The following AGPS variants were observed in gnomAD, a reference collection of about 807,000 sequenced individuals.
The protein encoded by AGPS is alkylglycerone phosphate synthase.
In AGPS, 26 loss-of-function variants were observed where a neutral mutation model predicts 90.7. That is an observed-to-expected ratio of 0.29 (90% CI 0.21 to 0.40). The LOEUF is 0.40. Ranked by LOEUF, AGPS falls within the 10% of genes least tolerant of loss-of-function variation. The pLI, the probability that AGPS is intolerant of heterozygous loss-of-function variation, is 1.00. For synonymous variants in AGPS, 294 were observed against 285.3 expected (o/e 1.03, Z -0.31); for missense variants, 540 against 816.1 (o/e 0.66, Z 4.12).
intron 17 of AGPS, among the ~76,000 whole-genome samples, chr2:177,518,910 G>A (rs1381568222): frequency 6.6e-6 from 1 of 152,012 alleles, no homozygotes; most frequent in Non-Finnish European, 1.5e-5. Context: ...AGTGATTGAG[G>A]CAAGGTGTGA....
At chr2:177,465,099 G>A (rs1237473768) in intron 9 of AGPS, among the ~76,000 whole-genome samples, 2 of 152,144 alleles carry the variant, frequency 1.3e-5, no homozygotes, top group African/African-American at 2.4e-5. Context: ...TTGGAGACCA[G>A]CCTGGGCAAC....
chr2:177,495,390 T>C (rs1271856813), intron 12 of AGPS, among the ~76,000 whole-genome samples: 11 of 152,188 alleles, frequency 7.2e-5, no homozygotes, highest in Non-Finnish European at 1.6e-4. Flanking sequence ...AAAGACTCAT[T>C]ATTTTGACTA....
intron 8 of AGPS, among the ~76,000 whole-genome samples, chr2:177,455,307 A>G (rs1277629978): frequency 6.6e-6 from 1 of 152,184 alleles, no homozygotes; most frequent in African/African-American, 2.4e-5. Context: ...TCTATGCTCA[A>G]TCTCAACTCA....
intron 3 of AGPS, 126 bp from the exon 4 acceptor site, chr2:177,436,638 T>C: frequency 1.2e-6 from 1 of 866,974 alleles, no homozygotes; most frequent in Non-Finnish European, 1.8e-6. Flanking sequence ...TGTTGTATTT[T>C]CCTATGCTTC....
At chr2:177,473,197 T>C (rs1224333961) in intron 10 of AGPS, among the ~76,000 whole-genome samples, 2 of 152,246 alleles carry the variant, frequency 1.3e-5, no homozygotes, top group Non-Finnish European at 2.9e-5. Flanking sequence ...TTTCCTTGTA[T>C]GCTGAAGATC....
chr2:177,400,371 A>T (rs1685299079), intron 1 of AGPS, among the ~76,000 whole-genome samples: 1 of 152,190 alleles, frequency 6.6e-6, no homozygotes, highest in Non-Finnish European at 1.5e-5. Flanking sequence ...TAAAGACTAG[A>T]TTCTCTTAAG....
chr2:177,481,725 G>T (rs1687950738), intron 10 of AGPS, among the ~76,000 whole-genome samples: 1 of 151,842 alleles, frequency 6.6e-6, no homozygotes. Context: ...TGAGACATAA[G>T]AATCCATTGT....
chr2:177,423,988 G>C (rs1686006165), intron 2 of AGPS, among the ~76,000 whole-genome samples: 1 of 151,974 alleles, frequency 6.6e-6, no homozygotes, highest in African/African-American at 2.4e-5. Flanking sequence ...TGCAGGATGT[G>C]CAGGTTTGTT....
At chr2:177,465,161 G>A (rs546149618) in intron 9 of AGPS, among the ~76,000 whole-genome samples, 57 of 152,186 alleles carry the variant, frequency 3.7e-4, no homozygotes, top group Admixed American at 2.0e-3. Context: ...GAGCATGGTA[G>A]CACATACTTG....
intron 9 of AGPS, among the ~76,000 whole-genome samples, chr2:177,463,827 T>C (rs1026121623): frequency 6.6e-6 from 1 of 152,192 alleles, no homozygotes; most frequent in African/African-American, 2.4e-5. Context: ...TGTGAAATCA[T>C]GTAGTTTATT....
At chr2:177,506,824 A>G (rs1688730269) in intron 15 of AGPS, among the ~76,000 whole-genome samples, 7 of 151,994 alleles carry the variant, frequency 4.6e-5, no homozygotes, top group Admixed American at 4.6e-4. Flanking sequence ...GTTTCTTCCC[A>G]TAGTAAGCAT....
rs1231948296 is a variant in AGPS at position 177,543,349 on chromosome 2, T to C, written c.*5154T>C. 1 of 152,196 alleles carries C rather than the reference T, an allele frequency of 6.6e-6. No individual in the cohort carries two copies. Among genetic ancestry groups the C allele is most frequent in the Non-Finnish European group, 1.5e-5 (1 of 68,030 alleles). The allele number at this position is 152,196 out of a possible 1,614,324, so 9.4% of individuals were successfully genotyped here. A position where few individuals can be genotyped will look rare whatever the true frequency, so the allele number is the denominator to read the frequency against. ...ATTTCTGTTCTGGACAATGATTAAA[T>C]CTTATGAGAAATATATGTAGGTTAT... On this transcript the variant is annotated 3_prime_UTR_variant, in exon 20 of 20. Coordinates refer to ENST00000264167, the MANE Select transcript of AGPS (RefSeq NM_003659.4).
At chr2:177,427,291 C>A (rs1686112958) in intron 2 of AGPS, among the ~76,000 whole-genome samples, 1 of 152,006 alleles carries the variant, frequency 6.6e-6, no homozygotes, top group South Asian at 2.1e-4. Context: ...TTTATTTTTT[C>A]AAAAAACCAG....
rs2079211876 is a variant in AGPS at position 177,539,370 on chromosome 2, C to T, written c.*1175C>T. 1.3e-5 allele frequency: 2 copies of T among 151,816 alleles called. No individual in the cohort carries two copies. Among genetic ancestry groups the T allele is most frequent in the South Asian group, 4.2e-4 (2 of 4,814 alleles). 9.4% of individuals were successfully genotyped at this position (151,816 alleles called of 1,614,324 possible). A position where few individuals can be genotyped will look rare whatever the true frequency, so the allele number is the denominator to read the frequency against. On this transcript the variant is annotated 3_prime_UTR_variant, in exon 20 of 20. Transcript: ENST00000264167. ...TATCCTGTTTCTTAAATAATGAGAA[C>T]ATTAATCACATTTAGCAAGCATTTG... is the stretch of plus-strand genomic sequence containing the variant.
chr2:177,438,374 C>A (rs1363463045), intron 5 of AGPS, among the ~76,000 whole-genome samples: 1 of 152,046 alleles, frequency 6.6e-6, no homozygotes, highest in Non-Finnish European at 1.5e-5. Flanking sequence ...ACTAGTGAGT[C>A]CCTCATGTCT....
chr2:177,396,116 T>C (rs1179752259), intron 1 of AGPS, among the ~76,000 whole-genome samples: 2 of 152,166 alleles, frequency 1.3e-5, no homozygotes, highest in African/African-American at 4.8e-5. Context: ...GGAAGCTTTC[T>C]GGAGAAGATT....
intron 15 of AGPS, among the ~76,000 whole-genome samples, chr2:177,506,084 C>A (rs999038991): frequency 6.6e-6 from 1 of 151,746 alleles, no homozygotes; most frequent in Non-Finnish European, 1.5e-5. Context: ...CTGAAATAGT[C>A]TTATTATCTC....
At chr2:177,505,226 A>G (rs917303022) in intron 14 of AGPS, among the ~76,000 whole-genome samples, 1 of 152,010 alleles carries the variant, frequency 6.6e-6, no homozygotes, top group Non-Finnish European at 1.5e-5. Flanking sequence ...TAAGAATATG[A>G]TGAGTAAAAT....
intron 1 of AGPS, chr2:177,393,644 T>TTAA (rs1685087583): frequency 1.1e-6 from 1 of 891,894 alleles, no homozygotes; most frequent in Admixed American, 6.2e-5. Context: ...TAAGGTGTGG[T>TTAA]GGTATAGCTA....
Sources: gnomAD v4.1 joint callset for allele counts (sites outside exome capture counted in the v4.1 genomes callset) on GRCh38, gnomAD v4.1.1 for gene constraint, MANE v1.5 for transcripts, NCBI Gene and HGNC (gene_info 2026-07-23, HGNC 2026-07-21) for gene names.